The following GPBP1L1 variants were observed in gnomAD, a reference collection of about 807,000 sequenced individuals.
GPBP1L1 encodes the protein vasculin-like protein 1.
Under a neutral mutation model 52.5 loss-of-function variants are expected in GPBP1L1, and 23 were observed. The observed-to-expected ratio is 0.44, with a 90% CI of 0.32 to 0.62. The LOEUF (loss-of-function observed/expected upper bound fraction) is 0.62. Ranked by LOEUF, GPBP1L1 falls within the 20% of genes least tolerant of loss-of-function variation. GPBP1L1 has a pLI of 0.06. For synonymous variants in GPBP1L1, 243 were observed against 203.1 expected (o/e 1.20, Z -1.67); for missense variants, 596 against 579.3 (o/e 1.03, Z -0.30).
chr1:45,670,355 TTA>T (rs1419096963), intron 2 of GPBP1L1, among the ~76,000 whole-genome samples: 1 of 152,268 alleles, frequency 6.6e-6, no homozygotes. Context: ...AATCCTATGA[TTA>T]TATGAGTTGC....
At chr1:45,670,440 T>C (rs771976844) in intron 2 of GPBP1L1, among the ~76,000 whole-genome samples, 1 of 152,232 alleles carries the variant, frequency 6.6e-6, no homozygotes, top group African/African-American at 2.4e-5. Context: ...ACGTTCTTAA[T>C]TTAGATGCAA....
rs1249199010 is a variant in GPBP1L1, at chr1:45,628,326, T to C, written c.1355A>G (p.Lys452Arg). The C allele has an allele frequency of 1.2e-6, 2 of 1,614,040 alleles. No individual in the cohort carries two copies. Among genetic ancestry groups the C allele is most frequent in the African/African-American group, 2.7e-5 (2 of 74,912 alleles). Residue 452 changes from lysine (K) to arginine (R), a missense_variant, in exon 13 of 13, where the codon AAA becomes AGA. Coordinates refer to ENST00000355105, the MANE Select transcript of GPBP1L1 (RefSeq NM_021639.5). ...GGTGTCTGAGTCCTCAAACTCTGCT[T>C]TGCAAGTGCTTCTCCAAGGGGAGAA... Reference protein sequence around the residue: ...SLFSPWRSTCKAEFEDSDTET... With the variant: ...SLFSPWRSTCRAEFEDSDTET...
intron 8 of GPBP1L1, 89 bp downstream of exon 8, chr1:45,640,121 C>T (rs924720493): frequency 6.0e-5 from 58 of 966,146 alleles, no homozygotes; most frequent in Non-Finnish European, 7.5e-5. Context: ...GTGACTGATG[C>T]GGCAAGAAAA....
intron 8 of GPBP1L1, 36 bp downstream of exon 8, chr1:45,640,174 C>G: frequency 6.6e-7 from 1 of 1,512,104 alleles, no homozygotes; most frequent in South Asian, 1.2e-5. Flanking sequence ...CCAAACCTCT[C>G]TTGTATAAGG....
chr1:45,668,896 A>G (rs1645042221), intron 2 of GPBP1L1, among the ~76,000 whole-genome samples: 1 of 152,048 alleles, frequency 6.6e-6, no homozygotes, highest in African/African-American at 2.4e-5. Flanking sequence ...GAGCCCAGGA[A>G]TTCAAGGTTG....
At position 45,634,171 on chromosome 1, in the gene GPBP1L1, A is replaced by C. The variant is rs1297423781; in HGVS notation, c.810T>G (p.Ser270=). The C allele has an allele frequency of 6.2e-7, 1 of 1,613,816 alleles. No homozygotes were observed. The highest frequency in any genetic ancestry group is 1.3e-5 in the African/African-American group (1 of 74,930). The change falls in exon 9 of 13, where the codon TCT becomes TCG. Residue 270 remains serine, a synonymous_variant. Coordinates refer to ENST00000355105, the MANE Select transcript of GPBP1L1 (RefSeq NM_021639.5). ...TAACAGAGATTGGACTGGTAAAAGC[A>C]GACTCCCGGCTAGAGGAAAGGGATC... is the stretch of plus-strand genomic sequence containing the variant. ...KSGSLSSSRE[S]AFTSPISVTK... is the part of the protein sequence containing the mutation.
intron 2 of GPBP1L1, among the ~76,000 whole-genome samples, chr1:45,667,211 TAAA>T (rs1422755779): frequency 1.3e-5 from 2 of 152,168 alleles, no homozygotes; most frequent in Admixed American, 1.3e-4. Flanking sequence ...TTCCCATAAC[TAAA>T]AAAATTATAA....
In GPBP1L1 at chr1:45,627,982, T is replaced by C. The variant is rs988012580; in HGVS notation, c.*274A>G. ...TGCACTGCCAGCTCCTACCTGTGCATCGCCCCATATATACTGGGTGTGTAT... is the reference window on the plus strand; with the variant it reads ...TGCACTGCCAGCTCCTACCTGTGCACCGCCCCATATATACTGGGTGTGTAT... On this transcript the variant is annotated 3_prime_UTR_variant, in exon 13 of 13. Coordinates refer to ENST00000355105, the MANE Select transcript of GPBP1L1 (RefSeq NM_021639.5). 1.3e-5 allele frequency: 4 copies of C among 310,330 alleles called. No homozygotes were observed. The highest frequency in any genetic ancestry group is 8.5e-5 in the African/African-American group (4 of 46,812). The allele number at this position is 310,330 out of a possible 1,614,324, so 19.2% of individuals were successfully genotyped here. A position where few individuals can be genotyped will look rare whatever the true frequency, so the allele number is the denominator to read the frequency against.
chr1:45,633,089 A>G (rs1273232645), intron 10 of GPBP1L1, among the ~76,000 whole-genome samples: 1 of 152,228 alleles, frequency 6.6e-6, no homozygotes, highest in East Asian at 1.9e-4. Context: ...ACCACTTTGG[A>G]AGACAGTTTG....
rs1057198643 is a variant in GPBP1L1 at position 45,627,412 on chromosome 1, A to G, written c.*844T>C. 1 of 152,560 alleles carries G rather than the reference A, an allele frequency of 6.6e-6. No individual in the cohort carries two copies. Among genetic ancestry groups the G allele is most frequent in the Admixed American group, 6.5e-5 (1 of 15,274 alleles). 9.5% of individuals were successfully genotyped at this position (152,560 alleles called of 1,614,324 possible). A position where few individuals can be genotyped will look rare whatever the true frequency, so the allele number is the denominator to read the frequency against. ...GTGTCTGAATTCACATTTCCCCCCA[A>G]CTTCTAAAAATATTTCCCCTAAAAA... On this transcript the variant is annotated 3_prime_UTR_variant, in exon 13 of 13. Coordinates refer to ENST00000355105, the MANE Select transcript of GPBP1L1 (RefSeq NM_021639.5).
At chr1:45,637,543 G>GTTTTTTTTTTTTTTTTTTTTTTTTTTTTT (rs1553179402) in intron 8 of GPBP1L1, among the ~76,000 whole-genome samples, 14 of 98,804 alleles carry the variant, frequency 1.4e-4, no homozygotes, top group South Asian at 7.5e-4. Context: ...CTTTATATTA[G>GTTTTTTTTTTTTTTTTTTTTTTTTTTTTT]TTTTCCAATC....
chr1:45,643,658 C>CTTTTTTTT lies in GPBP1L1; in HGVS notation c.478-1167_478-1160dup, dbSNP rs113388167. On this transcript the variant is annotated intron_variant, in intron 6 of 12. Coordinates refer to ENST00000355105, the MANE Select transcript of GPBP1L1 (RefSeq NM_021639.5). ...ATCTGGTAACAGGGTAGGAGAATGG[C>CTTTTTTTT]TTTTTTTTTTTTTTTTTTTTTTTTT... Among the ~76,000 whole-genome samples, 35 of 65,142 alleles carry CTTTTTTTT rather than the reference C, an allele frequency of 5.4e-4. 6 individuals carry two copies. Among genetic ancestry groups the CTTTTTTTT allele is most frequent in the African/African-American group, 2.0e-3 (32 of 15,656 alleles). 42.7% of individuals were successfully genotyped at this position (65,142 alleles called of 152,430 possible).
chr1:45,627,585 AAT>A lies in GPBP1L1; in HGVS notation c.*669_*670del, dbSNP rs1032194422. On this transcript the variant is annotated 3_prime_UTR_variant, in exon 13 of 13. Coordinates refer to ENST00000355105, the MANE Select transcript of GPBP1L1 (RefSeq NM_021639.5). ...AACCACATCTTTTAAATCTGTAAAT[AAT>A]GTTATCAAAATAATCTTAATCTTTG... 6 of 152,554 alleles carry A rather than the reference AAT, an allele frequency of 3.9e-5. No homozygotes were observed. The highest frequency in any genetic ancestry group is 1.4e-4 in the African/African-American group (6 of 41,458). 9.5% of individuals were successfully genotyped at this position (152,554 alleles called of 1,614,324 possible). A position where few individuals can be genotyped will look rare whatever the true frequency, so the allele number is the denominator to read the frequency against.
intron 8 of GPBP1L1, among the ~76,000 whole-genome samples, chr1:45,637,222 C>T (rs1160481174): frequency 6.6e-6 from 1 of 152,154 alleles, no homozygotes; most frequent in Non-Finnish European, 1.5e-5. Context: ...ACAGTGTTTA[C>T]TACTCAGATA....
intron 6 of GPBP1L1, 152 bp from the exon 7 acceptor site, chr1:45,642,651 CAA>C: frequency 1.6e-6 from 1 of 643,490 alleles, no homozygotes; most frequent in East Asian, 2.6e-5. Context: ...AGAAACGTAA[CAA>C]ACAGAAAATA....
intron 10 of GPBP1L1, among the ~76,000 whole-genome samples, chr1:45,631,036 G>T (rs760091268): frequency 1.3e-5 from 2 of 151,750 alleles, no homozygotes; most frequent in African/African-American, 2.4e-5. Flanking sequence ...AAATACAATG[G>T]AGAAAAGATA....
chr1:45,679,188 T>A (rs1479610554), intron 2 of GPBP1L1, among the ~76,000 whole-genome samples: 3 of 107,306 alleles, frequency 2.8e-5, no homozygotes, highest in Non-Finnish European at 6.2e-5. Context: ...GGGAAAATTG[T>A]CTGACAAGTT....
intron 2 of GPBP1L1, among the ~76,000 whole-genome samples, chr1:45,665,290 G>A (rs1001707449): frequency 6.6e-6 from 1 of 151,922 alleles, no homozygotes. Flanking sequence ...AAACATGAAA[G>A]ACTAGACTGG....
intron 6 of GPBP1L1, among the ~76,000 whole-genome samples, chr1:45,649,454 CTT>C (rs145402694): frequency 4.1e-5 from 6 of 146,246 alleles, no homozygotes; most frequent in South Asian, 2.1e-4. Context: ...TAATCTGGAG[CTT>C]TTTTTTTTTT....
Sources: gnomAD v4.1 joint callset for allele counts (sites outside exome capture counted in the v4.1 genomes callset) on GRCh38, gnomAD v4.1.1 for gene constraint, MANE v1.5 for transcripts, NCBI Gene and HGNC (gene_info 2026-07-23, HGNC 2026-07-21) for gene names.